Variants in CAPZB observed in about 807,000 individuals in gnomAD.
The protein encoded by CAPZB is capping actin protein of muscle Z-line subunit beta, also known as F-actin-capping protein subunit beta.
Under a neutral mutation model 38.1 loss-of-function variants are expected in CAPZB, and 2 were observed. The observed-to-expected ratio is 0.05, with a 90% CI of 0.02 to 0.17. CAPZB has a LOEUF of 0.17. Among genes scored for constraint, CAPZB ranks in the 10% least tolerant of loss-of-function variants. CAPZB has a pLI of 1.00. For synonymous variants in CAPZB, 107 were observed against 127.4 expected (o/e 0.84, Z 1.08); for missense variants, 161 against 334.2 (o/e 0.48, Z 4.04).
At chr1:19,449,783 C>T (rs953891452) in intron 1 of CAPZB, among the ~76,000 whole-genome samples, 1 of 87,928 alleles carries the variant, frequency 1.1e-5, no homozygotes, top group Admixed American at 1.2e-4. Flanking sequence ...GAGTCTGTCT[C>T]AAAAAAAAAA....
rs1330479900 is a variant in CAPZB at position 19,384,770 on chromosome 1, T to G, written c.215+735A>C. ...TCATCATGGAAACACTGGGCCAGTT[T>G]AAGGATTCCCACTCTTAAAAAATAG... On this transcript the variant is annotated intron_variant, in intron 3 of 8. Coordinates refer to ENST00000264202, the MANE Select transcript of CAPZB (RefSeq NM_004930.5). 2.0e-5 allele frequency among the ~76,000 whole-genome samples: 3 copies of G among 152,198 alleles called. No individual in the cohort carries two copies. The East Asian group carries it at 5.8e-4, about 29-fold the overall frequency.
chr1:19,344,296 G>T, intron 8 of CAPZB, 62 bp downstream of exon 8: 1 of 1,354,182 alleles, frequency 7.4e-7, no homozygotes, highest in South Asian at 1.2e-5. Flanking sequence ...GCTAGTAACT[G>T]GCAGAGCCAG....
At chr1:19,403,047 C>A (rs1479732277) in intron 2 of CAPZB, among the ~76,000 whole-genome samples, 2 of 147,404 alleles carry the variant, frequency 1.4e-5, no homozygotes, top group Non-Finnish European at 3.0e-5. Context: ...AAAACTCCAT[C>A]TCTAAAACAA....
At chr1:19,471,865 CAAAAAAAAAAAAAAAAAAAA>C (rs59289947) in intron 1 of CAPZB, among the ~76,000 whole-genome samples, 3 of 134,420 alleles carry the variant, frequency 2.2e-5, no homozygotes, top group African/African-American at 5.9e-5. Flanking sequence ...GACTCCGTCT[CAAAAAAAAAAAAAAAAAAAA>C]AAAAAAAAAA....
intron 1 of CAPZB, among the ~76,000 whole-genome samples, chr1:19,466,219 C>T (rs2094568722): frequency 6.6e-6 from 1 of 152,166 alleles, no homozygotes; most frequent in Admixed American, 6.5e-5. Context: ...ACAGCTCCGC[C>T]AGGAGGGTCT....
chr1:19,377,852 A>AAC (rs1383386483), intron 4 of CAPZB, among the ~76,000 whole-genome samples: 2 of 152,222 alleles, frequency 1.3e-5, no homozygotes, highest in Non-Finnish European at 2.9e-5. Context: ...AAGAAATCTC[A>AAC]ACAGATCTAG....
chr1:19,481,428 G>T (rs2094628134), intron 1 of CAPZB, among the ~76,000 whole-genome samples: 1 of 152,162 alleles, frequency 6.6e-6, no homozygotes, highest in Non-Finnish European at 1.5e-5. Flanking sequence ...CAGTGAGTGG[G>T]GTCCAGCACA....
intron 6 of CAPZB, among the ~76,000 whole-genome samples, chr1:19,348,236 G>A (rs967568179): frequency 2.6e-5 from 4 of 151,914 alleles, no homozygotes; most frequent in African/African-American, 9.7e-5. Context: ...AGCTACATCT[G>A]CAGGGCTGGA....
chr1:19,372,518 C>G (rs1229271825), intron 4 of CAPZB, among the ~76,000 whole-genome samples: 2 of 152,218 alleles, frequency 1.3e-5, no homozygotes, highest in African/African-American at 4.8e-5. Flanking sequence ...AAGTGTTAAT[C>G]TTGGGGTTCA....
intron 1 of CAPZB, among the ~76,000 whole-genome samples, chr1:19,463,200 G>A (rs1270737902): frequency 6.6e-6 from 1 of 152,198 alleles, no homozygotes; most frequent in Admixed American, 6.5e-5. Context: ...TTAGGTGGCT[G>A]CGCGGGTCTA....
chr1:19,363,260 A>T lies in CAPZB; in HGVS notation c.330-5697T>A, dbSNP rs865848296. ...CCATGCATGGCTAATTAAAAAAAAAATTTTTTTTTTTTTTTTTTTAGAGAC... is the reference window on the plus strand; with the variant it reads ...CCATGCATGGCTAATTAAAAAAAAATTTTTTTTTTTTTTTTTTTTAGAGAC... On this transcript the variant is annotated intron_variant, in intron 4 of 8. Transcript: ENST00000264202. 3.0e-3 allele frequency among the ~76,000 whole-genome samples: 366 copies of T among 123,124 alleles called. 2 individuals are homozygous for T. The highest frequency in any genetic ancestry group is 8.1e-3 in the African/African-American group (271 of 33,618). The allele number at this position is 123,124 out of a possible 152,430, so 80.8% of individuals were successfully genotyped here.
chr1:19,424,156 CAA>C (rs2094413117), intron 1 of CAPZB, among the ~76,000 whole-genome samples: 4 of 151,776 alleles, frequency 2.6e-5, no homozygotes, highest in Admixed American at 1.3e-4. Flanking sequence ...ACTAATATAA[CAA>C]GGCTTTTTTT....
At chr1:19,465,002 T>G (rs945820840) in intron 1 of CAPZB, among the ~76,000 whole-genome samples, 3 of 152,148 alleles carry the variant, frequency 2.0e-5, no homozygotes, top group Non-Finnish European at 4.4e-5. Context: ...AAACTCAAAC[T>G]GTACACTTAA....
intron 4 of CAPZB, among the ~76,000 whole-genome samples, chr1:19,365,424 AT>A (rs1458297293): frequency 6.6e-6 from 1 of 152,196 alleles, no homozygotes; most frequent in Admixed American, 6.5e-5. Flanking sequence ...GATCGCGTGG[AT>A]TTCCAGAAAG....
At chr1:19,419,855 G>C (rs16862748) in intron 1 of CAPZB, 105 bp from the exon 2 acceptor site, 11 of 696,376 alleles carry the variant, frequency 1.6e-5, no homozygotes, top group Non-Finnish European at 2.5e-5. Context: ...AACCCAAAGA[G>C]CCACGCAGTG....
At chr1:19,385,789 G>A in intron 2 of CAPZB, 163 bp from the exon 3 acceptor site, 1 of 811,628 alleles carries the variant, frequency 1.2e-6, no homozygotes, top group Non-Finnish European at 2.2e-6. Context: ...ACATGTGTCT[G>A]ACACCAACTG....
chr1:19,365,805 G>T (rs778470165), intron 4 of CAPZB, among the ~76,000 whole-genome samples: 4 of 151,722 alleles, frequency 2.6e-5, no homozygotes, highest in Non-Finnish European at 5.9e-5. Flanking sequence ...TTGCACTCCA[G>T]CCTGAGTAAC....
intron 6 of CAPZB, among the ~76,000 whole-genome samples, chr1:19,348,016 G>T (rs1023395871): frequency 6.6e-6 from 1 of 152,216 alleles, no homozygotes; most frequent in African/African-American, 2.4e-5. Context: ...GAAGAGACTT[G>T]TGGTTTTTAG....
At chr1:19,345,741 G>A (rs1053632123) in intron 6 of CAPZB, among the ~76,000 whole-genome samples, 10 of 152,270 alleles carry the variant, frequency 6.6e-5, no homozygotes, top group East Asian at 1.9e-4. Flanking sequence ...CTGCAGTCTC[G>A]CAGGGAGGGA....
Sources: allele counts gnomAD v4.1 joint callset (sites outside exome capture counted in the v4.1 genomes callset), GRCh38; gene constraint gnomAD v4.1.1; transcripts MANE v1.5; gene names NCBI Gene and HGNC (gene_info 2026-07-23, HGNC 2026-07-21).